The following NRXN1 variants were observed in gnomAD, a reference collection of about 807,000 sequenced individuals.
NRXN1 encodes the protein neurexin 1, also known as neurexin-1.
Under a neutral mutation model 150.9 loss-of-function variants are expected in NRXN1, and 39 were observed. The ratio of observed to expected loss-of-function variants is 0.26; its 90% CI spans 0.20 to 0.34. The LOEUF is 0.34. Ranked by LOEUF, NRXN1 falls within the 10% of genes least tolerant of loss-of-function variation. The pLI is 1.00. For synonymous variants in NRXN1, 924 were observed against 757.0 expected, an observed-to-expected ratio of 1.22 and a Z score of -3.62; for missense variants, 1,815 against 1,949.9, an observed-to-expected ratio of 0.93 and a Z score of 1.30.
At chr2:50,164,807 C>T (rs938522808) in intron 18 of NRXN1, among the ~76,000 whole-genome samples, 20 of 152,198 alleles carry the variant, frequency 1.3e-4, no homozygotes, top group Middle Eastern at 3.4e-3. Flanking sequence ...TTGTGTTCTC[C>T]GTTCTCCGTC....
intron 18 of NRXN1, among the ~76,000 whole-genome samples, chr2:50,136,189 G>A (rs1410185938): frequency 6.6e-6 from 1 of 152,164 alleles, no homozygotes; most frequent in Non-Finnish European, 1.5e-5. Context: ...TTATGCAGCT[G>A]TAGAGGGAGA....
intron 2 of NRXN1, among the ~76,000 whole-genome samples, chr2:51,023,777 T>G (rs994883637): frequency 6.6e-6 from 1 of 152,164 alleles, no homozygotes; most frequent in African/African-American, 2.4e-5. Flanking sequence ...AACAAATGAA[T>G]GAATGAACAA....
chr2:50,919,945 TG>T, intron 5 of NRXN1: 2 of 339,876 alleles, frequency 5.9e-6, no homozygotes, highest in African/African-American at 2.2e-5. Flanking sequence ...GAACACTCTG[TG>T]GATGCCATGT....
intron 18 of NRXN1, among the ~76,000 whole-genome samples, chr2:50,173,227 A>C (rs933219054): frequency 6.6e-6 from 1 of 152,184 alleles, no homozygotes; most frequent in African/African-American, 2.4e-5. Context: ...AAGATTTGAA[A>C]CTCATTTCAG....
chr2:50,685,780 G>C (rs9284755), intron 5 of NRXN1, among the ~76,000 whole-genome samples: 127,435 of 152,050 alleles, frequency 0.84, 53,962 homozygotes, highest in African/African-American at 0.95. Flanking sequence ...AACCTAAAAG[G>C]TGATGCATCA....
intron 18 of NRXN1, among the ~76,000 whole-genome samples, chr2:50,180,338 T>A (rs1375988001): frequency 6.6e-6 from 1 of 152,126 alleles, no homozygotes; most frequent in East Asian, 1.9e-4. Flanking sequence ...TTTTTGTTTT[T>A]AATGATAATA....
intron 9 of NRXN1, among the ~76,000 whole-genome samples, chr2:50,543,196 T>A (rs922025308): frequency 1.3e-5 from 2 of 152,162 alleles, no homozygotes; most frequent in African/African-American, 2.4e-5. Context: ...TGTTCTTTTT[T>A]AAATAGTTTG....
intron 9 of NRXN1, among the ~76,000 whole-genome samples, chr2:50,549,937 G>A (rs1013820741): frequency 1.3e-5 from 2 of 152,086 alleles, no homozygotes; most frequent in African/African-American, 4.8e-5. Context: ...TACATGTAGA[G>A]AGAGACATGC....
chr2:51,008,301 A>T (rs1667339224), intron 2 of NRXN1, among the ~76,000 whole-genome samples: 1 of 151,932 alleles, frequency 6.6e-6, no homozygotes, highest in South Asian at 2.1e-4. Flanking sequence ...TCCTTTGTGT[A>T]TATGACTCCA....
chr2:50,754,652 C>G (rs1700974182), intron 5 of NRXN1, among the ~76,000 whole-genome samples: 1 of 151,798 alleles, frequency 6.6e-6, no homozygotes, highest in Non-Finnish European at 1.5e-5. Flanking sequence ...TATCAAGCTA[C>G]AGTCCACTCT....
chr2:50,616,972 G>A (rs1679163080), intron 8 of NRXN1, among the ~76,000 whole-genome samples: 1 of 152,128 alleles, frequency 6.6e-6, no homozygotes, highest in African/African-American at 2.4e-5. Flanking sequence ...ATGAACATGG[G>A]TATATCCCTC....
chr2:50,954,347 A>C (rs1276996160), intron 2 of NRXN1, among the ~76,000 whole-genome samples: 1 of 152,176 alleles, frequency 6.6e-6, no homozygotes, highest in Non-Finnish European at 1.5e-5. Context: ...CCTTGTATAA[A>C]CTTCAATTCT....
At chr2:50,573,662 G>A (rs894951799) in intron 8 of NRXN1, among the ~76,000 whole-genome samples, 1 of 151,784 alleles carries the variant, frequency 6.6e-6, no homozygotes, top group African/African-American at 2.4e-5. Flanking sequence ...ATGTAAACCT[G>A]AGTAGTTTCA....
At chr2:50,621,111 G>A (rs553757662) in intron 7 of NRXN1, 115 bp downstream of exon 7, 15 of 842,784 alleles carry the variant, frequency 1.8e-5, no homozygotes, top group South Asian at 8.2e-5. Context: ...AGTACCAACC[G>A]CAGTTCCTCT....
At chr2:50,914,808 A>G (rs1684987771) in intron 5 of NRXN1, among the ~76,000 whole-genome samples, 1 of 151,656 alleles carries the variant, frequency 6.6e-6, no homozygotes, top group South Asian at 2.1e-4. Context: ...AGTAAAACCC[A>G]AAGGAAACTT....
rs758265489 is a variant in NRXN1, at chr2:50,481,760, C to CTTTTTTTTTTTTT, written c.3071-9302_3071-9290dup. Among the ~76,000 whole-genome samples, 84 of 82,966 alleles carry CTTTTTTTTTTTTT rather than the reference C, an allele frequency of 1.0e-3. 3 individuals carry two copies. The highest frequency in any genetic ancestry group is 1.4e-3 in the African/African-American group (24 of 17,204). 54.4% of individuals were successfully genotyped at this position (82,966 alleles called of 152,430 possible). ...CTTTCAATATTCTGAACTTTTGTTT[C>CTTTTTTTTTTTTT]TTTTTTTTTTTTTTTTTTTTTTTGA... is the stretch of plus-strand genomic sequence containing the variant. On this transcript the variant is annotated intron_variant, in intron 15 of 22. Coordinates refer to ENST00000401669, the MANE Select transcript of NRXN1 (RefSeq NM_001330078.2).
chr2:50,936,016 T>C (rs924881085), intron 2 of NRXN1, among the ~76,000 whole-genome samples: 2 of 152,150 alleles, frequency 1.3e-5, no homozygotes, highest in Admixed American at 6.6e-5. Flanking sequence ...CAAATCTCTA[T>C]TGATACATAG....
In NRXN1 at chr2:50,966,392, G is replaced by C. The variant is rs571527403; in HGVS notation, c.773-40437C>G. ...ATCTACAATTAATAGCATTCCTGTA[G>C]CCTGTAGGTCTGGCCTGTTACTTTA... On this transcript the variant is annotated intron_variant, in intron 2 of 22. Coordinates refer to ENST00000401669, the MANE Select transcript of NRXN1 (RefSeq NM_001330078.2). 2.0e-4 allele frequency among the ~76,000 whole-genome samples: 30 copies of C among 151,248 alleles called. No individual in the cohort carries two copies. In the East Asian group the frequency reaches 5.1e-3, roughly 26 times the overall value.
Position 50,105,930 on chromosome 2 carries a change from T to C in NRXN1, c.3547-14436A>G, listed in dbSNP as rs1326705591. On this transcript the variant is annotated intron_variant, in intron 18 of 22. Coordinates refer to ENST00000401669, the MANE Select transcript of NRXN1 (RefSeq NM_001330078.2). ...TTATCATAATAATAAAAATAATAGG[T>C]GGAGTTGCTGATATATAAAATATGA... Among the ~76,000 whole-genome samples, 6 of 151,978 alleles carry C rather than the reference T, an allele frequency of 3.9e-5. No homozygotes were observed. In the East Asian group the frequency reaches 9.7e-4, roughly 24 times the overall value.
Sources: gnomAD v4.1 joint callset for allele counts (sites outside exome capture counted in the v4.1 genomes callset) on GRCh38, gnomAD v4.1.1 for gene constraint, MANE v1.5 for transcripts, NCBI Gene and HGNC (gene_info 2026-07-23, HGNC 2026-07-21) for gene names.